ZNF503: variants seen among roughly 807,000 people sequenced by gnomAD.
ZNF503 encodes the protein NocA-like zinc finger 2.
A neutral mutation model predicts 34.4 loss-of-function variants in ZNF503; 15 were observed. That is an observed-to-expected ratio of 0.44 (90% confidence interval 0.29 to 0.67). The LOEUF (loss-of-function observed/expected upper bound fraction) is 0.67, where lower values mean the gene tolerates loss of function less well. Ranked by LOEUF, ZNF503 falls within the 30% of genes least tolerant of loss-of-function variation. The pLI is 0.13. For missense variants in ZNF503, 1,007 were observed against 926.8 expected, an observed-to-expected ratio of 1.09 and a Z score of -1.12; for synonymous variants, 580 against 456.8, an observed-to-expected ratio of 1.27 and a Z score of -3.44.
chr10:75,316,444 C>A, the ZNF503 span, among the ~76,000 whole-genome samples: 1 of 151,800 alleles, frequency 6.6e-6, no homozygotes, highest in South Asian at 2.1e-4. Flanking sequence ...GCAGCCTCAA[C>A]CTTCTGGGCT....
downstream of ZNF503, among the ~76,000 whole-genome samples, chr10:75,396,516 A>G (rs758885514): frequency 7.4e-5 from 11 of 148,352 alleles, no homozygotes; most frequent in Non-Finnish European, 1.3e-4. This position sits in a 1 kb window ranked among gnomAD's most constrained non-coding sequence, Gnocchi z 4.4. Flanking sequence ...GAAAATCTCA[A>G]AGTCACCAAT....
the ZNF503 span, among the ~76,000 whole-genome samples, chr10:75,328,325 C>T: frequency 6.6e-3 from 1,010 of 152,268 alleles, 6 homozygotes; most frequent in Middle Eastern, 0.044. Flanking sequence ...ATCTAGTTTT[C>T]CTAACACCAT....
chr10:75,344,864 GGTAACA>G, the ZNF503 span, among the ~76,000 whole-genome samples: 1 of 152,200 alleles, frequency 6.6e-6, no homozygotes, highest in Non-Finnish European at 1.5e-5. Flanking sequence ...AGGCTATGGT[GGTAACA>G]GTAACCCAGT....
At chr10:75,309,429 T>C in the ZNF503 span, among the ~76,000 whole-genome samples, 1 of 152,138 alleles carries the variant, frequency 6.6e-6, no homozygotes, top group African/African-American at 2.4e-5. Flanking sequence ...TTTTAAGAAA[T>C]TGCCACAGCC....
the ZNF503 span, among the ~76,000 whole-genome samples, chr10:75,290,247 A>G: frequency 6.6e-6 from 1 of 152,230 alleles, no homozygotes; most frequent in African/African-American, 2.4e-5. Context: ...ATCGATGGAC[A>G]AGTGGGTTAC....
At chr10:75,285,915 G>A in the ZNF503 span, among the ~76,000 whole-genome samples, 5 of 152,146 alleles carry the variant, frequency 3.3e-5, no homozygotes, top group South Asian at 2.1e-4. Flanking sequence ...CTGAGGGAGC[G>A]GGTCTTGAGT....
At position 75,399,250 on chromosome 10, in the gene ZNF503, G is replaced by A; in HGVS notation, c.1440C>T (p.Ser480=). ...CAGCAGCCGCGGCGGCCGTTAGCGA[G>A]GAGTGCACACCGTGCAGCGGGTGCG... The part of the protein sequence containing the change: ...YPTHPLHGVH[S]SLTAAAAAGA... The change falls in exon 2 of 2, where the codon TCC becomes TCT. Residue 480 remains serine, a synonymous_variant. Coordinates refer to ENST00000372524, the MANE Select transcript of ZNF503 (RefSeq NM_032772.6). 2 of 1,595,250 alleles carry A rather than the reference G, an allele frequency of 1.3e-6. No homozygotes were observed. The highest frequency in any genetic ancestry group is 1.7e-6 in the Non-Finnish European group (2 of 1,170,264).
At chr10:75,351,023 C>G in the ZNF503 span, among the ~76,000 whole-genome samples, 2 of 152,192 alleles carry the variant, frequency 1.3e-5, no homozygotes, top group Non-Finnish European at 2.9e-5. Context: ...CATCTACATC[C>G]TCTTGTGGAT....
the ZNF503 span, among the ~76,000 whole-genome samples, chr10:75,347,954 G>A: frequency 3.9e-5 from 6 of 152,154 alleles, no homozygotes; most frequent in African/African-American, 1.4e-4. Context: ...CATGATCTCG[G>A]CTCACTGCAA....
chr10:75,305,101 A>G, the ZNF503 span, among the ~76,000 whole-genome samples: 3 of 152,256 alleles, frequency 2.0e-5, no homozygotes, highest in Middle Eastern at 6.8e-3. Context: ...TCCGGTTGCT[A>G]TCACTATCAA....
the ZNF503 span, among the ~76,000 whole-genome samples, chr10:75,314,958 C>T: frequency 6.6e-6 from 1 of 152,166 alleles, no homozygotes; most frequent in African/African-American, 2.4e-5. Flanking sequence ...AAGTATAAAA[C>T]TCACTGGTAT....
the ZNF503 span, among the ~76,000 whole-genome samples, chr10:75,347,842 C>T: frequency 6.6e-6 from 1 of 152,182 alleles, no homozygotes; most frequent in Non-Finnish European, 1.5e-5. Flanking sequence ...AGCTCCCCAC[C>T]CAGTTACTCC....
At chr10:75,355,408 T>G in the ZNF503 span, among the ~76,000 whole-genome samples, 1 of 152,190 alleles carries the variant, frequency 6.6e-6, no homozygotes, top group African/African-American at 2.4e-5. Flanking sequence ...ACTTATTTAA[T>G]CTGCGCAAGT....
the ZNF503 span, among the ~76,000 whole-genome samples, chr10:75,349,129 T>G: frequency 1.4e-4 from 22 of 152,204 alleles, no homozygotes; most frequent in Non-Finnish European, 2.9e-4. Flanking sequence ...CTCAAGAAAT[T>G]TAACCTTGCT....
At chr10:75,397,244 G>C (rs1367998094), downstream of ZNF503, among the ~76,000 whole-genome samples, 1 of 152,178 alleles carries the variant, frequency 6.6e-6, no homozygotes, top group African/African-American at 2.4e-5. Flanking sequence ...CGAGGGTTGC[G>C]GGGAGCGTTT....
chr10:75,399,859 C>T lies in ZNF503; in HGVS notation c.831G>A (p.Thr277=). ...AGCTAATCCGGCCGTGTGCCAGCCC[C>T]GTGGGTCCCCCTTCGGCCGAGGCGC... The part of the protein sequence containing the change: ...TGGASAEGGP[T]GLAHGRISCG... The change falls in exon 2 of 2, where the codon ACG becomes ACA. Residue 277 remains threonine, a synonymous_variant. Transcript: ENST00000372524. 2 of 1,602,682 alleles carry T rather than the reference C, an allele frequency of 1.2e-6. No individual in the cohort carries two copies. The highest frequency in any genetic ancestry group is 2.3e-5 in the East Asian group (1 of 44,402).
chr10:75,304,560 C>T, the ZNF503 span, among the ~76,000 whole-genome samples: 2 of 152,166 alleles, frequency 1.3e-5, no homozygotes, highest in Non-Finnish European at 2.9e-5. Context: ...CTGGATGCTA[C>T]TACAAATCAG....
chr10:75,299,609 T>C, the ZNF503 span, among the ~76,000 whole-genome samples: 4 of 152,148 alleles, frequency 2.6e-5, no homozygotes, highest in African/African-American at 9.7e-5. Context: ...TCGGGCAAAA[T>C]TCACCCCCAA....
At chr10:75,388,525 A>C in the ZNF503 span, among the ~76,000 whole-genome samples, 2 of 152,044 alleles carry the variant, frequency 1.3e-5, no homozygotes, top group Admixed American at 1.3e-4. Flanking sequence ...CAGTGTAGCA[A>C]AGAGTGAAAG....
Sources: allele counts gnomAD v4.1 joint callset (sites outside exome capture counted in the v4.1 genomes callset), GRCh38; gene constraint gnomAD v4.1.1; non-coding constraint Gnocchi (gnomAD v3.1); transcripts MANE v1.5; gene names NCBI Gene and HGNC (gene_info 2026-07-23, HGNC 2026-07-21).